Variants in ITGA4 observed in about 807,000 individuals in gnomAD.
ITGA4 encodes the protein integrin subunit alpha 4.
In ITGA4, 63 loss-of-function variants were observed where a neutral mutation model predicts 133.6. The ratio of observed to expected loss-of-function variants is 0.47; its 90% CI spans 0.38 to 0.58. The LOEUF (loss-of-function observed/expected upper bound fraction) is 0.58, where lower values mean the gene tolerates loss of function less well. ITGA4 is among the 20% of genes least tolerant of loss of function. ITGA4 has a pLI of 0.00. For missense variants in ITGA4, 1,076 were observed against 1,252.7 expected, an observed-to-expected ratio of 0.86 and a Z score of 2.13; for synonymous variants, 483 against 438.0, an observed-to-expected ratio of 1.10 and a Z score of -1.28.
intron 21 of ITGA4, among the ~76,000 whole-genome samples, chr2:181,526,220 T>A (rs71427804): frequency 6.6e-6 from 1 of 152,124 alleles, no homozygotes; most frequent in East Asian, 1.9e-4. Flanking sequence ...TGTTTCCTGG[T>A]TTTCAGTGTT....
intron 2 of ITGA4, 77 bp from the exon 3 acceptor site, chr2:181,474,883 G>A (rs1685638083): frequency 1.0e-6 from 1 of 999,072 alleles, no homozygotes; most frequent in Non-Finnish European, 1.5e-6. Flanking sequence ...AAAAATACTG[G>A]GGATGAGTGC....
chr2:181,466,448 A>G (rs1685417921), intron 2 of ITGA4, among the ~76,000 whole-genome samples: 1 of 152,210 alleles, frequency 6.6e-6, no homozygotes, highest in South Asian at 2.1e-4. Context: ...AAAAAAACAT[A>G]CTTTGAGAAT....
intron 17 of ITGA4, among the ~76,000 whole-genome samples, chr2:181,519,553 T>C (rs765108780): frequency 1.7e-4 from 26 of 152,128 alleles, no homozygotes; most frequent in Non-Finnish European, 3.1e-4. Context: ...GGGGGAAATA[T>C]CCAAAATTAT....
chr2:181,486,062 A>C (rs1243504350), intron 10 of ITGA4, 70 bp downstream of exon 10: 1 of 1,515,112 alleles, frequency 6.6e-7, no homozygotes, highest in African/African-American at 1.4e-5. Context: ...AATATGATTA[A>C]AGTTTTGTAT....
chr2:181,527,088 G>A (rs556778653), intron 21 of ITGA4, among the ~76,000 whole-genome samples: 14 of 151,496 alleles, frequency 9.2e-5, no homozygotes, highest in South Asian at 4.2e-4. Context: ...CGCCCTCCTC[G>A]GCCTCCCAAA....
chr2:181,467,407 T>A (rs1157276880), intron 2 of ITGA4, among the ~76,000 whole-genome samples: 1 of 152,162 alleles, frequency 6.6e-6, no homozygotes. Context: ...ATGACGCAGG[T>A]AGATAAAGCA....
chr2:181,468,878 G>T (rs1685483811), intron 2 of ITGA4, among the ~76,000 whole-genome samples: 1 of 152,146 alleles, frequency 6.6e-6, no homozygotes. Flanking sequence ...ACTGTGGAAA[G>T]AATTAGTCAT....
chr2:181,508,783 C>T (rs1365754100), intron 15 of ITGA4, among the ~76,000 whole-genome samples: 1 of 151,816 alleles, frequency 6.6e-6, no homozygotes, highest in Non-Finnish European at 1.5e-5. Flanking sequence ...ATTAGATGTA[C>T]AAAACAAATA....
intron 14 of ITGA4, 102 bp from the exon 15 acceptor site, chr2:181,498,521 T>C (rs1686203593): frequency 3.5e-6 from 2 of 570,428 alleles, no homozygotes; most frequent in Non-Finnish European, 5.8e-6. Context: ...ATTCCAGATA[T>C]TATTTCCAGT....
intron 10 of ITGA4, among the ~76,000 whole-genome samples, chr2:181,486,586 G>A (rs1387512299): frequency 6.6e-6 from 1 of 152,144 alleles, no homozygotes; most frequent in African/African-American, 2.4e-5. Context: ...TGATATTGAC[G>A]TTTTTTATTA....
rs183597593 is a variant in ITGA4 at position 181,477,976 on chromosome 2, G to C, written c.557-781G>C. Reference sequence around the variant, plus strand: ...ATTGACAGATGAATGAATGGATAAGGAATTGTGTGAGGTGTATATATACAC... The same window carrying C: ...ATTGACAGATGAATGAATGGATAAGCAATTGTGTGAGGTGTATATATACAC... On this transcript the variant is annotated intron_variant, in intron 4 of 27. Coordinates refer to ENST00000397033, the MANE Select transcript of ITGA4 (RefSeq NM_000885.6). Among the ~76,000 whole-genome samples the C allele has an allele frequency of 1.1e-3, 161 of 152,160 alleles. 1 individual carries two copies. The highest frequency in any genetic ancestry group is 3.6e-3 in the African/African-American group (151 of 41,546).
intron 9 of ITGA4, among the ~76,000 whole-genome samples, chr2:181,484,336 T>G (rs80085646): frequency 0.032 from 4,855 of 152,280 alleles, 151 homozygotes; most frequent in East Asian, 0.12. Context: ...TAGCGAACTC[T>G]CAGTCACCAC....
intron 2 of ITGA4, among the ~76,000 whole-genome samples, chr2:181,461,680 G>A (rs558518477): frequency 3.9e-5 from 6 of 152,166 alleles, no homozygotes; most frequent in Middle Eastern, 6.8e-3. Context: ...TAAAAAGATG[G>A]TCTTTATTTG....
intron 15 of ITGA4, among the ~76,000 whole-genome samples, chr2:181,507,570 C>G (rs193195747): frequency 7.2e-5 from 11 of 152,154 alleles, no homozygotes; most frequent in African/African-American, 2.6e-4. Flanking sequence ...GGGATTGATT[C>G]CAGGACCCCA....
chr2:181,486,229 G>A (rs1685915068), intron 10 of ITGA4: 2 of 414,634 alleles, frequency 4.8e-6, no homozygotes, highest in Non-Finnish European at 4.1e-6. Flanking sequence ...TGATTCTAAG[G>A]CACCATTGAT....
intron 24 of ITGA4, 56 bp from the exon 25 acceptor site, chr2:181,531,601 A>G (rs997205832): frequency 1.0e-5 from 10 of 1,000,332 alleles, no homozygotes; most frequent in Admixed American, 2.5e-5. Flanking sequence ...AAAATATTTT[A>G]AAAATATTTT....
In ITGA4 at chr2:181,534,768, T is replaced by A. The variant is rs774573564; in HGVS notation, c.2884-48T>A. 5.0e-6 allele frequency: 6 copies of A among 1,206,472 alleles called. No individual in the cohort carries two copies. In the South Asian group the frequency reaches 9.0e-5, roughly 18 times the overall value. 74.7% of individuals were successfully genotyped at this position (1,206,472 alleles called of 1,614,324 possible). A position where few individuals can be genotyped will look rare whatever the true frequency, so the allele number is the denominator to read the frequency against. On this transcript the variant is annotated intron_variant, in intron 26 of 27. Transcript: ENST00000397033. ...AGGAAATATAAGCAACGTTTTAAAC[T>A]GATTTTTTTTTTTGGTTTTTGAGTT...
At chr2:181,511,359 C>T (rs1203078127) in intron 16 of ITGA4, among the ~76,000 whole-genome samples, 1 of 151,994 alleles carries the variant, frequency 6.6e-6, no homozygotes, top group African/African-American at 2.4e-5. Context: ...ACTGCAGCAA[C>T]AGAAAATTGA....
rs77047767 is a variant in ITGA4 at position 181,493,891 on chromosome 2, C to A, written c.1248+472C>A. Among the ~76,000 whole-genome samples, 334 of 151,450 alleles carry A rather than the reference C, an allele frequency of 2.2e-3. 5 individuals are homozygous for A. The East Asian group carries it at 0.025, about 11-fold the overall frequency. On this transcript the variant is annotated intron_variant, in intron 11 of 27. Coordinates refer to ENST00000397033, the MANE Select transcript of ITGA4 (RefSeq NM_000885.6). ...ATGTCTCAGGATCTTACTCTGACTT[C>A]ACTTTTGTATGTTGAAAAATCATGG...
Sources: allele counts gnomAD v4.1 joint callset (sites outside exome capture counted in the v4.1 genomes callset), GRCh38; gene constraint gnomAD v4.1.1; transcripts MANE v1.5; gene names NCBI Gene and HGNC (gene_info 2026-07-23, HGNC 2026-07-21).